ATP11A: variants seen among roughly 807,000 people sequenced by gnomAD.
ATP11A encodes ATPase phospholipid transporting 11A.
In ATP11A, 81 loss-of-function variants were observed where a neutral mutation model predicts 154.4. The observed-to-expected ratio is 0.52, with a 90% CI of 0.44 to 0.63. ATP11A has a LOEUF of 0.63. ATP11A is among the 30% of genes least tolerant of loss of function. The pLI is 0.00. For synonymous variants in ATP11A, 623 were observed against 585.9 expected (o/e 1.06, Z -0.91); for missense variants, 1,316 against 1,474.3 (o/e 0.89, Z 1.76).
intron 1 of ATP11A, among the ~76,000 whole-genome samples, chr13:112,767,563 A>AAGGATGTAGGGGTATCGGGG (rs2077125448): frequency 6.6e-6 from 1 of 151,508 alleles, no homozygotes; most frequent in East Asian, 1.9e-4. Context: ...TGCTGTTGGG[A>AAGGATGTAGGGGTATCGGGG]GCCTGGCTAT....
intron 29 of ATP11A, among the ~76,000 whole-genome samples, chr13:112,878,715 G>A (rs536256909): frequency 7.2e-5 from 11 of 152,324 alleles, no homozygotes; most frequent in South Asian, 2.1e-4. Context: ...CCTGTAGAGC[G>A]TGGATCACAA....
At chr13:112,836,963 C>T (rs115614358) in intron 16 of ATP11A, among the ~76,000 whole-genome samples, 255 of 152,372 alleles carry the variant, frequency 1.7e-3, no homozygotes, top group African/African-American at 6.0e-3. Context: ...AGGCACTTTG[C>T]ATCCCCCAAG....
At chr13:112,784,241 C>T (rs72660030) in intron 1 of ATP11A, among the ~76,000 whole-genome samples, 6,880 of 152,272 alleles carry the variant, frequency 0.045, 202 homozygotes, top group Middle Eastern at 0.086. Context: ...AACTTGTAGG[C>T]GATCGGGTCA....
chr13:112,715,914 A>G (rs394369), intron 1 of ATP11A, among the ~76,000 whole-genome samples: 119,931 of 151,830 alleles, frequency 0.79, 48,733 homozygotes, highest in East Asian at 0.94. Context: ...ATCCGATCCC[A>G]TTCCTTTCCC....
In ATP11A at chr13:112,884,015, A is replaced by C. The variant is rs1221241228; in HGVS notation, c.*2149A>C. 4 of 152,490 alleles carry C rather than the reference A, an allele frequency of 2.6e-5. No individual in the cohort carries two copies. Among genetic ancestry groups the C allele is most frequent in the Admixed American group, 2.6e-4 (4 of 15,280 alleles). The allele number at this position is 152,490 out of a possible 1,614,324, so 9.4% of individuals were successfully genotyped here. ...ATTCATTTATTTAACATACTGTCTA[A>C]TTTTAAAAATAGGTTTTTAAAGCTT... On this transcript the variant is annotated 3_prime_UTR_variant, in exon 30 of 30. Transcript: ENST00000375645.
At chr13:112,846,563 G>A (rs1014169342) in intron 17 of ATP11A, among the ~76,000 whole-genome samples, 3 of 152,182 alleles carry the variant, frequency 2.0e-5, no homozygotes, top group African/African-American at 4.8e-5. Context: ...CGGATGGGAC[G>A]TGTGTGATAA....
At position 112,875,500 on chromosome 13, in the gene ATP11A, T is replaced by G. The variant is rs559790964; in HGVS notation, c.3162-276T>G. On this transcript the variant is annotated intron_variant, in intron 27 of 29. Coordinates refer to ENST00000375645, the MANE Select transcript of ATP11A (RefSeq NM_015205.3). The surrounding 1 kb of genome is among the most constrained non-coding windows in gnomAD (Gnocchi z 4.1). ...TTTGTGTTTTGTTTTTTGTTTTTTT[T>G]TTTTTTGCTTCTGTGAAACTGAACT... 2.3e-3 allele frequency among the ~76,000 whole-genome samples: 356 copies of G among 152,120 alleles called. 1 individual carries two copies. Among genetic ancestry groups the G allele is most frequent in the African/African-American group, 8.2e-3 (339 of 41,530 alleles).
chr13:112,869,208 A>G (rs2080433446), intron 25 of ATP11A, among the ~76,000 whole-genome samples: 1 of 152,204 alleles, frequency 6.6e-6, no homozygotes, highest in Non-Finnish European at 1.5e-5. Context: ...CTAGCTTCCA[A>G]AGGACGTGGA....
At chr13:112,812,122 A>G (rs879355602) in intron 5 of ATP11A, 1 of 152,218 alleles carries the variant, frequency 6.6e-6, no homozygotes, top group Admixed American at 6.5e-5. Context: ...CTAATATCTC[A>G]ATATGTTTCA....
intron 1 of ATP11A, among the ~76,000 whole-genome samples, chr13:112,761,868 G>A (rs1260445940): frequency 6.6e-6 from 1 of 152,184 alleles, no homozygotes; most frequent in Non-Finnish European, 1.5e-5. Flanking sequence ...AGACACACCT[G>A]TTCGGCCAGG....
intron 1 of ATP11A, among the ~76,000 whole-genome samples, chr13:112,779,310 T>G (rs1331779794): frequency 8.7e-6 from 1 of 114,352 alleles, no homozygotes. Flanking sequence ...GCCGCTGGAG[T>G]GAGGAGTAGC....
chr13:112,831,567 G>A lies in ATP11A; in HGVS notation c.1395+19G>A, dbSNP rs746190490. Reference sequence around the variant, plus strand: ...CGGGAGGGTAGGTGGCAGCCCCCACGCCGTCCAAGTGTGTGAGTGAGTGGG... The same window carrying A: ...CGGGAGGGTAGGTGGCAGCCCCCACACCGTCCAAGTGTGTGAGTGAGTGGG... On this transcript the variant is annotated intron_variant, in intron 13 of 29. Coordinates refer to ENST00000375645, the MANE Select transcript of ATP11A (RefSeq NM_015205.3). The A allele has an allele frequency of 1.4e-5, 22 of 1,611,328 alleles. No homozygotes were observed. The highest frequency in any genetic ancestry group is 1.7e-5 in the Admixed American group (1 of 59,876).
At chr13:112,872,049 C>T (rs1002418104) in intron 26 of ATP11A, among the ~76,000 whole-genome samples, 3 of 152,200 alleles carry the variant, frequency 2.0e-5, no homozygotes, top group Non-Finnish European at 2.9e-5. Flanking sequence ...GAGGTAACCT[C>T]GGGAGCAAGC....
Position 112,722,825 on chromosome 13 carries a change from G to C in ATP11A, c.39+32370G>C, listed in dbSNP as rs1237933605. Among the ~76,000 whole-genome samples, 8 of 152,218 alleles carry C rather than the reference G, an allele frequency of 5.3e-5. No homozygotes were observed. In the East Asian group the frequency reaches 1.3e-3, roughly 26 times the overall value. On this transcript the variant is annotated intron_variant, in intron 1 of 29. Transcript: ENST00000375645. ...GGTTGGATGTTACACATTTCAGGGA[G>C]GCAGGAGTCATAGGAAAGACGTAAA...
At chr13:112,841,952 G>T (rs2079433013) in intron 16 of ATP11A, among the ~76,000 whole-genome samples, 1 of 152,248 alleles carries the variant, frequency 6.6e-6, no homozygotes, top group Admixed American at 6.5e-5. Flanking sequence ...CCCCCTTTGG[G>T]TCACCCCAAC....
At chr13:112,843,814 C>T (rs1029245400) in intron 17 of ATP11A, among the ~76,000 whole-genome samples, 14 of 152,312 alleles carry the variant, frequency 9.2e-5, no homozygotes, top group East Asian at 7.7e-4. Flanking sequence ...ATGCTGTCGA[C>T]GTGCGGATCA....
At chr13:112,761,923 T>A (rs1478698216) in intron 1 of ATP11A, among the ~76,000 whole-genome samples, 1 of 152,140 alleles carries the variant, frequency 6.6e-6, no homozygotes. Flanking sequence ...CCCAGGGACA[T>A]TTTGGCCAAG....
intron 20 of ATP11A, among the ~76,000 whole-genome samples, chr13:112,857,150 C>T (rs1481713742): frequency 1.3e-5 from 2 of 152,214 alleles, no homozygotes; most frequent in Admixed American, 6.5e-5. Flanking sequence ...ACTTGTGTTT[C>T]AGTTTCCTAT....
At chr13:112,796,819 C>A (rs2078010658) in intron 2 of ATP11A, among the ~76,000 whole-genome samples, 1 of 151,818 alleles carries the variant, frequency 6.6e-6, no homozygotes, top group Non-Finnish European at 1.5e-5. Context: ...GCCCTAGCCA[C>A]ATCGGGGATT....
Sources: allele counts gnomAD v4.1 joint callset (sites outside exome capture counted in the v4.1 genomes callset), GRCh38; gene constraint gnomAD v4.1.1; non-coding constraint Gnocchi (gnomAD v3.1); transcripts MANE v1.5; gene names NCBI Gene and HGNC (gene_info 2026-07-23, HGNC 2026-07-21).